SUPT3H: variants seen among roughly 807,000 people sequenced by gnomAD.
SUPT3H encodes the protein transcription initiation protein SPT3 homolog.
SUPT3H carries 44 observed loss-of-function variants against 44.3 expected under a neutral mutation model. That is an observed-to-expected ratio of 0.99 (90% CI 0.78 to 1.28). SUPT3H has a LOEUF of 1.28. Among genes scored for constraint, SUPT3H ranks in the 50% most tolerant of loss-of-function variants. The pLI is 0.00. For missense variants in SUPT3H, 380 were observed against 387.1 expected (o/e 0.98, Z 0.15); for synonymous variants, 124 against 125.6 (o/e 0.99, Z 0.09).
At chr6:45,355,842 AAG>A (rs1458233559) in intron 2 of SUPT3H, among the ~76,000 whole-genome samples, 1 of 152,168 alleles carries the variant, frequency 6.6e-6, no homozygotes, top group Admixed American at 6.5e-5. Flanking sequence ...TCCAACCAAA[AAG>A]AATGTTATTT....
intron 2 of SUPT3H, among the ~76,000 whole-genome samples, chr6:45,200,922 A>C (rs1762377578): frequency 1.3e-5 from 2 of 151,596 alleles, no homozygotes; most frequent in Admixed American, 1.3e-4. Flanking sequence ...AAGTAACAAA[A>C]TCAAAGTTTC....
intron 2 of SUPT3H, among the ~76,000 whole-genome samples, chr6:45,200,664 C>A (rs1423610840): frequency 6.6e-6 from 1 of 151,466 alleles, no homozygotes. Flanking sequence ...GGTTAAGCAG[C>A]TTACCAGAAG....
intron 4 of SUPT3H, among the ~76,000 whole-genome samples, chr6:45,020,308 C>T (rs1396210595): frequency 6.6e-6 from 1 of 151,902 alleles, no homozygotes; most frequent in African/African-American, 2.4e-5. Context: ...TGCATAGACG[C>T]ATAAGGATAA....
At chr6:45,102,295 C>A (rs1342926810) in intron 3 of SUPT3H, among the ~76,000 whole-genome samples, 1 of 151,926 alleles carries the variant, frequency 6.6e-6, no homozygotes, top group African/African-American at 2.4e-5. Flanking sequence ...AAGAGAGACA[C>A]AAAAGAGGAA....
At chr6:45,363,540 G>C (rs903250708) in intron 2 of SUPT3H, among the ~76,000 whole-genome samples, 3 of 151,994 alleles carry the variant, frequency 2.0e-5, no homozygotes, top group Non-Finnish European at 4.4e-5. Context: ...GTAAATCAAT[G>C]AACCAGCTCT....
intron 2 of SUPT3H, among the ~76,000 whole-genome samples, chr6:45,208,284 C>T (rs933623434): frequency 4.6e-5 from 7 of 152,180 alleles, no homozygotes; most frequent in African/African-American, 1.2e-4. Context: ...AAGTTAGAAA[C>T]TGGCAGATGT....
At chr6:45,290,934 G>T (rs1325393829) in intron 2 of SUPT3H, among the ~76,000 whole-genome samples, 1 of 152,182 alleles carries the variant, frequency 6.6e-6, no homozygotes, top group African/African-American at 2.4e-5. Context: ...AACTCGGATG[G>T]ACAGAGCAGC....
At chr6:44,819,418 A>G (rs1441727972) in intron 11 of SUPT3H, among the ~76,000 whole-genome samples, 2 of 151,968 alleles carry the variant, frequency 1.3e-5, no homozygotes, top group Admixed American at 1.3e-4. Context: ...CATTTGTCAG[A>G]AGTCACTAAA....
intron 6 of SUPT3H, among the ~76,000 whole-genome samples, chr6:44,987,707 G>A (rs183832471): frequency 1.5e-3 from 222 of 152,140 alleles, no homozygotes; most frequent in African/African-American, 5.1e-3. Flanking sequence ...TTTAAGATGG[G>A]GGAAATTATA....
intron 10 of SUPT3H, among the ~76,000 whole-genome samples, chr6:44,923,450 T>C (rs1769037424): frequency 6.6e-6 from 1 of 152,134 alleles, no homozygotes; most frequent in Non-Finnish European, 1.5e-5. Flanking sequence ...CTTTTCATAA[T>C]TGTTCTGTTG....
intron 2 of SUPT3H, among the ~76,000 whole-genome samples, chr6:45,343,926 A>G (rs950861108): frequency 1.3e-5 from 2 of 152,194 alleles, no homozygotes; most frequent in African/African-American, 4.8e-5. Flanking sequence ...ACAGGCTTTC[A>G]TTTTATAACC....
intron 3 of SUPT3H, among the ~76,000 whole-genome samples, chr6:45,062,608 C>G (rs1480817997): frequency 1.3e-5 from 2 of 152,134 alleles, no homozygotes. Context: ...GTGCGCGCAC[C>G]ATGCGCAAGC....
chr6:45,105,875 A>C, intron 3 of SUPT3H, 47 bp downstream of exon 3: 1 of 1,448,216 alleles, frequency 6.9e-7, no homozygotes, highest in Non-Finnish European at 9.6e-7. Context: ...CATCCTAATA[A>C]AAGAATGCAG....
At chr6:44,863,815 G>A (rs190690832) in intron 10 of SUPT3H, among the ~76,000 whole-genome samples, 16 of 152,104 alleles carry the variant, frequency 1.1e-4, no homozygotes, top group African/African-American at 1.7e-4. Flanking sequence ...CAAGAGTCAC[G>A]TCTCACATCG....
chr6:44,810,040 A>C lies in SUPT3H; in HGVS notation c.*53-539T>G, dbSNP rs1421959032. 5.3e-5 allele frequency among the ~76,000 whole-genome samples: 8 copies of C among 152,368 alleles called. No homozygotes were observed. In the East Asian group the frequency reaches 1.5e-3, roughly 29 times the overall value. On this transcript the variant is annotated intron_variant and NMD_transcript_variant, in intron 11 of 11. Transcript: ENST00000475057. ...TTGGTGTAGTTTTTTCCAGAAGCCA[A>C]GACTGGGCCTGTGGGTCCAAACCGA...
chr6:45,251,658 C>G (rs957167000), intron 2 of SUPT3H, among the ~76,000 whole-genome samples: 4 of 152,034 alleles, frequency 2.6e-5, no homozygotes, highest in Non-Finnish European at 4.4e-5. Context: ...AAAAGACATG[C>G]TTAAATAAAA....
intron 3 of SUPT3H, among the ~76,000 whole-genome samples, chr6:45,060,827 GCAAA>G (rs1791887403): frequency 2.6e-5 from 4 of 152,148 alleles, no homozygotes. Flanking sequence ...CATTCTTGTG[GCAAA>G]CAAACATATG....
chr6:44,826,486 G>A (rs1303885935), downstream of SUPT3H, among the ~76,000 whole-genome samples: 2 of 152,178 alleles, frequency 1.3e-5, no homozygotes, highest in Non-Finnish European at 2.9e-5. Flanking sequence ...TTCGGCCAGA[G>A]CATACAGGAA....
intron 3 of SUPT3H, among the ~76,000 whole-genome samples, chr6:45,084,655 C>T (rs1019687619): frequency 1.6e-4 from 25 of 152,146 alleles, no homozygotes; most frequent in African/African-American, 6.0e-4. Context: ...CAAAACCACA[C>T]ATGCACTCAT....
Sources: allele counts gnomAD v4.1 joint callset (sites outside exome capture counted in the v4.1 genomes callset), GRCh38; gene constraint gnomAD v4.1.1; transcripts MANE v1.5; gene names NCBI Gene and HGNC (gene_info 2026-07-23, HGNC 2026-07-21).